Variants in PSD3 observed in about 807,000 individuals in gnomAD.
The protein encoded by PSD3 is PH and SEC7 domain-containing protein 3.
In PSD3, 49 loss-of-function variants were observed where a neutral mutation model predicts 105.5. That is an observed-to-expected ratio of 0.46 (90% CI 0.37 to 0.59). The LOEUF (loss-of-function observed/expected upper bound fraction) is 0.59. Ranked by LOEUF, PSD3 falls within the 20% of genes least tolerant of loss-of-function variation. PSD3 has a pLI of 0.00. For synonymous variants in PSD3, 557 were observed against 457.8 expected, an observed-to-expected ratio of 1.22 and a Z score of -2.77; for missense variants, 1,561 against 1,263.8, an observed-to-expected ratio of 1.24 and a Z score of -3.57.
chr8:18,551,542 C>T lies in PSD3; in HGVS notation c.2928+4667G>A, dbSNP rs575878572. Among the ~76,000 whole-genome samples, 44 of 152,052 alleles carry T rather than the reference C, an allele frequency of 2.9e-4. No individual in the cohort carries two copies. The South Asian group carries it at 8.9e-3, about 31-fold the overall frequency. On this transcript the variant is annotated intron_variant, in intron 15 of 15. Transcript: ENST00000327040. ...TAGATTTTTAAGAAAATATTCTGTC[C>T]CAAGAAATTTATAAGTTTTGTTATA...
intron 13 of PSD3, among the ~76,000 whole-genome samples, chr8:18,574,436 C>T (rs2130351082): frequency 6.6e-6 from 1 of 152,206 alleles, no homozygotes; most frequent in South Asian, 2.1e-4. Flanking sequence ...ATTATACATC[C>T]AGCTATGGGT....
rs553140445 is a variant in PSD3, at chr8:18,601,764, C to T, written c.2411-1330G>A. 2.7e-4 allele frequency among the ~76,000 whole-genome samples: 41 copies of T among 152,338 alleles called. 1 individual carries two copies. Among genetic ancestry groups the T allele is most frequent in the Non-Finnish European group, 2.1e-4 (14 of 68,038 alleles). On this transcript the variant is annotated intron_variant, in intron 11 of 15. Transcript: ENST00000327040. ...AAGATAAACAGATAACCATACATCA[C>T]ATATAAAATAAATATTCACTACATT...
chr8:18,610,832 GA>G (rs11285925), intron 11 of PSD3, among the ~76,000 whole-genome samples: 42,071 of 152,008 alleles, frequency 0.28, 6,198 homozygotes, highest in South Asian at 0.46. Flanking sequence ...TGAAATGCCA[GA>G]AAGTATCATA....
chr8:19,033,317 G>A (rs781517957), intron 1 of PSD3, among the ~76,000 whole-genome samples: 4 of 151,678 alleles, frequency 2.6e-5, no homozygotes, highest in Non-Finnish European at 4.4e-5. Context: ...AGTTTATTCC[G>A]CCTCTACTGT....
intron 14 of PSD3, among the ~76,000 whole-genome samples, chr8:18,565,870 G>GAT: frequency 6.6e-6 from 1 of 152,120 alleles, no homozygotes; most frequent in South Asian, 2.1e-4. Context: ...GTTAGAACTG[G>GAT]GGGGTCCCTA....
intron 1 of PSD3, among the ~76,000 whole-genome samples, chr8:19,072,180 C>T (rs1242420904): frequency 2.6e-5 from 4 of 151,748 alleles, no homozygotes; most frequent in African/African-American, 4.8e-5. Context: ...CTGCTCACTG[C>T]AGCCTCCACC....
rs189505995 is a variant in PSD3 at position 18,717,179 on chromosome 8, C to G, written c.2172+48270G>C. Among the ~76,000 whole-genome samples the G allele has an allele frequency of 3.9e-5, 6 of 152,248 alleles. No homozygotes were observed. In the South Asian group the frequency reaches 6.2e-4, roughly 16 times the overall value. The stretch of plus-strand genomic sequence containing the variant: ...CAACCTAAAGCCAAAACATTTCAAA[C>G]TCAAACAAGAGAATGAAATAAAAAT... On this transcript the variant is annotated intron_variant, in intron 9 of 15. Coordinates refer to ENST00000327040, the MANE Select transcript of PSD3 (RefSeq NM_015310.4).
chr8:18,583,268 G>A (rs945322395), intron 12 of PSD3, among the ~76,000 whole-genome samples: 4 of 152,094 alleles, frequency 2.6e-5, no homozygotes, highest in South Asian at 2.1e-4. Context: ...GTGAGATCCC[G>A]TTTCTACAAA....
chr8:18,688,872 G>C (rs1020480338), intron 9 of PSD3, among the ~76,000 whole-genome samples: 2 of 152,240 alleles, frequency 1.3e-5, no homozygotes, highest in African/African-American at 4.8e-5. Context: ...AGGCTTCCTG[G>C]AGAGAAGCAG....
intron 9 of PSD3, among the ~76,000 whole-genome samples, chr8:18,740,832 T>C (rs1218807106): frequency 6.6e-6 from 1 of 152,142 alleles, no homozygotes; most frequent in Non-Finnish European, 1.5e-5. Flanking sequence ...CTCAGCTCTG[T>C]GAGGCTGACT....
chr8:18,752,718 T>A (rs1055375735), intron 9 of PSD3, among the ~76,000 whole-genome samples: 6 of 125,110 alleles, frequency 4.8e-5, no homozygotes, highest in Non-Finnish European at 8.0e-5. Context: ...ATATATATAT[T>A]TTTGTCTAAG....
rs1320298370 is a variant in PSD3, at chr8:18,749,857, G to A, written c.2172+15592C>T. 3.3e-5 allele frequency among the ~76,000 whole-genome samples: 5 copies of A among 152,088 alleles called. No individual in the cohort carries two copies. In the East Asian group the frequency reaches 9.6e-4, roughly 29 times the overall value. ...CCTGGGCAACAACCAACAAGAAAAG[G>A]GGGACCGCAGTCCTATGACCACACA... On this transcript the variant is annotated intron_variant, in intron 9 of 15. Coordinates refer to ENST00000327040, the MANE Select transcript of PSD3 (RefSeq NM_015310.4).
chr8:19,028,278 ACCCCC>A, intron 1 of PSD3, among the ~76,000 whole-genome samples: 1 of 94,016 alleles, frequency 1.1e-5, no homozygotes, highest in East Asian at 4.1e-4. Flanking sequence ...CTCTCACACC[ACCCCC>A]CCCCCCCGGC....
intron 1 of PSD3, among the ~76,000 whole-genome samples, chr8:18,992,864 C>A (rs73666777): frequency 0.029 from 4,018 of 136,956 alleles, 184 homozygotes; most frequent in African/African-American, 0.098. Flanking sequence ...TTTCTAAGGT[C>A]CGTCTGAGCT....
intron 9 of PSD3, among the ~76,000 whole-genome samples, chr8:18,720,111 A>G (rs188246302): frequency 4.6e-5 from 7 of 152,298 alleles, no homozygotes; most frequent in Admixed American, 4.6e-4. Context: ...TTTCCAATGT[A>G]TGGGAAACTC....
intron 1 of PSD3, among the ~76,000 whole-genome samples, chr8:19,074,165 G>C (rs1383232544): frequency 6.6e-6 from 1 of 152,126 alleles, no homozygotes; most frequent in Admixed American, 6.5e-5. Context: ...TATCCCCAAA[G>C]CAACCTCAGC....
At chr8:19,049,150 A>C (rs945116557) in intron 1 of PSD3, among the ~76,000 whole-genome samples, 1 of 152,178 alleles carries the variant, frequency 6.6e-6, no homozygotes, top group Non-Finnish European at 1.5e-5. Flanking sequence ...CCCTATCGCC[A>C]AATACAGTCA....
chr8:19,012,852 C>A (rs1439716231), intron 1 of PSD3, among the ~76,000 whole-genome samples: 2 of 152,160 alleles, frequency 1.3e-5, no homozygotes, highest in African/African-American at 4.8e-5. Context: ...ATCGGGAGAA[C>A]CAGTGTCTAG....
intron 2 of PSD3, among the ~76,000 whole-genome samples, chr8:18,876,594 TCCA>T (rs1013662007): frequency 9.9e-5 from 15 of 151,970 alleles, no homozygotes; most frequent in African/African-American, 3.1e-4. Context: ...GAGATGGGGT[TCCA>T]CCATGTTGCC....
Sources: gnomAD v4.1 joint callset for allele counts (sites outside exome capture counted in the v4.1 genomes callset) on GRCh38, gnomAD v4.1.1 for gene constraint, MANE v1.5 for transcripts, NCBI Gene and HGNC (gene_info 2026-07-23, HGNC 2026-07-21) for gene names.